ACTR3C: variants seen among roughly 807,000 people sequenced by gnomAD.
The protein encoded by ACTR3C is actin-related protein 3C.
In ACTR3C, 18 loss-of-function variants were observed where a neutral mutation model predicts 26.3. The observed-to-expected ratio is 0.68, with a 90% CI of 0.47 to 1.01. The LOEUF is 1.01. ACTR3C is among the 50% of genes least tolerant of loss of function. The probability of loss-of-function intolerance (pLI) is 0.00; values close to 1 mark genes in which losing one functional copy is unlikely to be tolerated. For synonymous variants in ACTR3C, 55 were observed against 94.5 expected, an observed-to-expected ratio of 0.58 and a Z score of 2.42; for missense variants, 184 against 250.7, an observed-to-expected ratio of 0.73 and a Z score of 1.80.
chr7:150,101,490 C>T, the ACTR3C span, among the ~76,000 whole-genome samples: 52 of 151,822 alleles, frequency 3.4e-4, 3 homozygotes, highest in African/African-American at 1.0e-3. Context: ...TGATACTGCT[C>T]GAGAAGATTG....
At chr7:150,003,704 T>A in the ACTR3C span, among the ~76,000 whole-genome samples, 1 of 152,158 alleles carries the variant, frequency 6.6e-6, no homozygotes, top group Admixed American at 6.5e-5. Context: ...GTGTGTGTGC[T>A]GTATGTGTGG....
the ACTR3C span, among the ~76,000 whole-genome samples, chr7:149,883,569 A>G: frequency 6.6e-6 from 1 of 152,164 alleles, no homozygotes. Flanking sequence ...GTTAAGCTGC[A>G]CACAAAGAGT....
chr7:150,320,700 T>A (rs1251877756), intron 1 of ACTR3C, among the ~76,000 whole-genome samples: 1 of 152,146 alleles, frequency 6.6e-6, no homozygotes. Context: ...GAGGCAGAGG[T>A]TGCAGTGAGC....
the ACTR3C span, among the ~76,000 whole-genome samples, chr7:150,036,241 T>C: frequency 6.8e-6 from 1 of 147,150 alleles, no homozygotes; most frequent in Non-Finnish European, 1.5e-5. Context: ...GGGGCCTTTA[T>C]GTTCAGGTTT....
At chr7:150,034,793 G>C in the ACTR3C span, among the ~76,000 whole-genome samples, 1 of 150,820 alleles carries the variant, frequency 6.6e-6, no homozygotes, top group African/African-American at 2.4e-5. Context: ...AAGAGGGTCT[G>C]GCTCTCAGTC....
At chr7:150,128,306 A>G in the ACTR3C span, among the ~76,000 whole-genome samples, 3 of 152,328 alleles carry the variant, frequency 2.0e-5, no homozygotes, top group African/African-American at 7.2e-5. Context: ...AAATTGCTTC[A>G]GTTTGTAAAT....
chr7:150,137,099 C>T, the ACTR3C span, among the ~76,000 whole-genome samples: 20 of 152,232 alleles, frequency 1.3e-4, no homozygotes, highest in African/African-American at 4.6e-4. Context: ...GCTCACTCAC[C>T]TGCTGCTCAC....
the ACTR3C span, among the ~76,000 whole-genome samples, chr7:150,130,853 G>T: frequency 1.2e-3 from 186 of 152,226 alleles, no homozygotes; most frequent in African/African-American, 4.3e-3. Context: ...AATCTTGAAG[G>T]TACTATACTG....
chr7:150,040,081 A>T, the ACTR3C span, among the ~76,000 whole-genome samples: 2 of 133,684 alleles, frequency 1.5e-5, 1 homozygote, highest in Non-Finnish European at 3.2e-5. Context: ...CTGCGATGGG[A>T]GTCCCAAGAG....
At chr7:150,199,133 G>T in the ACTR3C span, among the ~76,000 whole-genome samples, 3 of 150,110 alleles carry the variant, frequency 2.0e-5, no homozygotes, top group African/African-American at 2.5e-5. Flanking sequence ...GAACGGGCCA[G>T]GATGACAATG....
At chr7:150,050,212 T>C in the ACTR3C span, among the ~76,000 whole-genome samples, 1 of 152,216 alleles carries the variant, frequency 6.6e-6, no homozygotes, top group Non-Finnish European at 1.5e-5. Context: ...GTCCCACTTA[T>C]GTAATATACA....
the ACTR3C span, among the ~76,000 whole-genome samples, chr7:150,205,125 A>G: frequency 6.6e-6 from 1 of 152,210 alleles, no homozygotes; most frequent in Non-Finnish European, 1.5e-5. Flanking sequence ...AAGCTATGTT[A>G]TCTTCAAAAA....
At chr7:149,963,600 G>A in the ACTR3C span, among the ~76,000 whole-genome samples, 1 of 152,142 alleles carries the variant, frequency 6.6e-6, no homozygotes, top group East Asian at 1.9e-4. Flanking sequence ...CAGAACAACA[G>A]AAACACAGTA....
chr7:149,897,183 G>A, the ACTR3C span, among the ~76,000 whole-genome samples: 1 of 152,082 alleles, frequency 6.6e-6, no homozygotes, highest in African/African-American at 2.4e-5. Flanking sequence ...AAATAAGATG[G>A]CCAGACAAAG....
the ACTR3C span, among the ~76,000 whole-genome samples, chr7:149,907,744 G>A: frequency 4.0e-5 from 6 of 151,486 alleles, no homozygotes; most frequent in Non-Finnish European, 8.8e-5. Flanking sequence ...AGCTTTAAAT[G>A]GCAACACATT....
the ACTR3C span, among the ~76,000 whole-genome samples, chr7:150,162,880 T>A: frequency 1.3e-5 from 2 of 152,098 alleles, no homozygotes; most frequent in African/African-American, 4.8e-5. Context: ...GGTGGGGCAC[T>A]GTGGCTCATG....
At chr7:150,055,556 T>C in the ACTR3C span, among the ~76,000 whole-genome samples, 2 of 152,112 alleles carry the variant, frequency 1.3e-5, no homozygotes, top group African/African-American at 4.8e-5. Context: ...GCAGTCCATT[T>C]AGTCTTTGCA....
At chr7:149,971,979 C>T in the ACTR3C span, among the ~76,000 whole-genome samples, 4 of 152,238 alleles carry the variant, frequency 2.6e-5, no homozygotes, top group African/African-American at 9.6e-5. Context: ...CTCTCTTTTC[C>T]TGCTTTTTCT....
At chr7:150,089,685 A>T in the ACTR3C span, among the ~76,000 whole-genome samples, 58 of 152,214 alleles carry the variant, frequency 3.8e-4, 1 homozygote, top group Admixed American at 8.5e-4. Context: ...AGATGAATCC[A>T]CTCTGGTGCC....
Sources: allele counts gnomAD v4.1 joint callset (sites outside exome capture counted in the v4.1 genomes callset), GRCh38; gene constraint gnomAD v4.1.1; transcripts MANE v1.5; gene names NCBI Gene and HGNC (gene_info 2026-07-23, HGNC 2026-07-21).